CCND3: variants seen among roughly 807,000 people sequenced by gnomAD.
CCND3 encodes cyclin D3.
Under a neutral mutation model 28.7 loss-of-function variants are expected in CCND3, and 9 were observed. That is an observed-to-expected ratio of 0.31 (90% CI 0.19 to 0.55). The LOEUF is 0.55. Among genes scored for constraint, CCND3 ranks in the 20% least tolerant of loss-of-function variants. The pLI is 0.93. For missense variants in CCND3, 315 were observed against 385.8 expected, an observed-to-expected ratio of 0.82 and a Z score of 1.54; for synonymous variants, 164 against 163.9, an observed-to-expected ratio of 1.00 and a Z score of 0.00.
Position 42,048,096 on chromosome 6 carries a change from A to G in CCND3, c.-46+405T>C, listed in dbSNP as rs1764599485. 6.1e-6 allele frequency: 1 copy of G among 162,774 alleles called. No individual in the cohort carries two copies. Among genetic ancestry groups the G allele is most frequent in the Non-Finnish European group, 1.3e-5 (1 of 74,872 alleles). 10.1% of individuals were successfully genotyped at this position (162,774 alleles called of 1,614,324 possible). On this transcript the variant is annotated intron_variant, in intron 1 of 4. Coordinates refer to the CCND3 transcript ENST00000372988. This position sits in a 1 kb window ranked among gnomAD's most constrained non-coding sequence, Gnocchi z 4.7. ...ATCATCATCTATGTATCAATCAGAC[A>G]CCACTGAGGGGTCCCTCCCTCCAGT...
chr6:41,941,385 C>G lies in CCND3; in HGVS notation c.198+67G>C, dbSNP rs1776009543. On this transcript the variant is annotated intron_variant, in intron 1 of 4. Coordinates refer to ENST00000372991, the MANE Select transcript of CCND3 (RefSeq NM_001760.5). This position sits in a 1 kb window ranked among gnomAD's most constrained non-coding sequence, Gnocchi z 6.1. ...GATTGCTGTGGGGACCGGGATGTCC[C>G]GACAGGGCGGCCCCGGTGTGTCCAG... The G allele has an allele frequency of 1.3e-6, 2 of 1,572,922 alleles. No homozygotes were observed. The highest frequency in any genetic ancestry group is 2.3e-5 in the South Asian group (2 of 86,944).
chr6:42,044,328 G>T (rs1764463652), intron 1 of CCND3, among the ~76,000 whole-genome samples: 1 of 152,158 alleles, frequency 6.6e-6, no homozygotes, highest in African/African-American at 2.4e-5. Flanking sequence ...AGCGCCTGAA[G>T]AACCCGGCAA....
At chr6:42,020,268 C>T (rs7771552) in intron 1 of CCND3, among the ~76,000 whole-genome samples, 1 of 151,796 alleles carries the variant, frequency 6.6e-6, no homozygotes. Context: ...GGCGGCAGAG[C>T]GAGACTCTGT....
intron 1 of CCND3, among the ~76,000 whole-genome samples, chr6:42,036,377 C>CTATATATATATATATATATATA (rs1162806893): frequency 3.4e-5 from 2 of 59,574 alleles, no homozygotes; most frequent in African/African-American, 1.4e-4. Flanking sequence ...TGCATATATA[C>CTATATATATATATATATATATA]TATATATATA....
intron 1 of CCND3, among the ~76,000 whole-genome samples, chr6:42,037,000 G>A (rs1394771427): frequency 2.6e-5 from 4 of 151,846 alleles, no homozygotes; most frequent in African/African-American, 4.8e-5. Context: ...ATGCAGTGGC[G>A]TGATCTCAGC....
intron 1 of CCND3, among the ~76,000 whole-genome samples, chr6:41,990,209 A>G (rs113726820): frequency 1.2e-3 from 181 of 152,212 alleles, no homozygotes; most frequent in African/African-American, 3.9e-3. Context: ...ATAGCTCTAA[A>G]AAAAAAACCT....
intron 1 of CCND3, among the ~76,000 whole-genome samples, chr6:42,011,602 G>A (rs1345460083): frequency 6.6e-6 from 1 of 152,170 alleles, no homozygotes; most frequent in African/African-American, 2.4e-5. Flanking sequence ...CAAAGGGTTA[G>A]TAAATTGCTC....
Position 41,939,955 on chromosome 6 carries a change from C to T in CCND3, c.414+415G>A, listed in dbSNP as rs1775936436. 6.6e-6 allele frequency among the ~76,000 whole-genome samples: 1 copy of T among 152,146 alleles called. No homozygotes were observed. The highest frequency in any genetic ancestry group is 6.5e-5 in the Admixed American group (1 of 15,268). ...GACTCAACCAAGGCAAAACCCCCTC[C>T]CCCACATGAAGCACATTCCACTCCC... On this transcript the variant is annotated intron_variant, in intron 2 of 4. Transcript: ENST00000372991. This position sits in a 1 kb window ranked among gnomAD's most constrained non-coding sequence, Gnocchi z 4.2.
upstream of CCND3, among the ~76,000 whole-genome samples, chr6:41,943,793 A>C (rs1437581401): frequency 6.6e-6 from 1 of 152,226 alleles, no homozygotes; most frequent in Non-Finnish European, 1.5e-5. Context: ...AAAGTGGCTT[A>C]TTAGTAATAA....
At chr6:41,996,533 T>C (rs1489589720) in intron 1 of CCND3, among the ~76,000 whole-genome samples, 1 of 152,128 alleles carries the variant, frequency 6.6e-6, no homozygotes, top group Non-Finnish European at 1.5e-5. Flanking sequence ...TTTCAAAACT[T>C]CCAGTTTGCA....
intron 1 of CCND3, among the ~76,000 whole-genome samples, chr6:41,955,651 CA>C (rs35334493): frequency 0.037 from 4,237 of 113,510 alleles, 60 homozygotes; most frequent in South Asian, 0.05. Flanking sequence ...CCTATCTCTA[CA>C]AAAAAAAAAA....
rs137954315 is a variant in CCND3 at position 41,999,960 on chromosome 6, A to C, written c.-46+48541T>G. ...ATACATCTTTTGCAGTAATTGATAG[A>C]GAGGGCACACAAAATTCGGTAGGGA... On this transcript the variant is annotated intron_variant, in intron 1 of 4. Transcript: ENST00000372988. 7.3e-3 allele frequency among the ~76,000 whole-genome samples: 1,112 copies of C among 152,252 alleles called. 7 individuals are homozygous for C. Among genetic ancestry groups the C allele is most frequent in the Middle Eastern group, 0.027 (8 of 294 alleles).
At chr6:41,996,212 T>C (rs1404930825) in intron 1 of CCND3, among the ~76,000 whole-genome samples, 1 of 150,626 alleles carries the variant, frequency 6.6e-6, no homozygotes, top group Admixed American at 6.7e-5. Flanking sequence ...TGCACTGGCA[T>C]GATCTCGGCT....
At chr6:41,987,995 C>A (rs530115224) in intron 1 of CCND3, among the ~76,000 whole-genome samples, 1 of 151,878 alleles carries the variant, frequency 6.6e-6, no homozygotes, top group Non-Finnish European at 1.5e-5. Flanking sequence ...TTCCCCAAAC[C>A]ATTCTCAGGT....
intron 1 of CCND3, among the ~76,000 whole-genome samples, chr6:41,957,660 A>G (rs931459767): frequency 3.3e-5 from 5 of 152,182 alleles, no homozygotes; most frequent in Admixed American, 1.3e-4. Context: ...GAGGGTAGGC[A>G]CCACATCTTT....
At chr6:41,946,586 G>C, upstream of CCND3, among the ~76,000 whole-genome samples, 1 of 86,074 alleles carries the variant, frequency 1.2e-5, no homozygotes, top group East Asian at 3.8e-4. Flanking sequence ...GGGCAACAGA[G>C]ACCTGTCTCA....
At chr6:42,001,867 A>C (rs1040735813) in intron 1 of CCND3, among the ~76,000 whole-genome samples, 3 of 152,036 alleles carry the variant, frequency 2.0e-5, no homozygotes, top group African/African-American at 7.2e-5. Context: ...ATAATCCCAG[A>C]ACTTTGGGAG....
At chr6:42,008,729 T>C (rs1199432510) in intron 1 of CCND3, among the ~76,000 whole-genome samples, 1 of 152,068 alleles carries the variant, frequency 6.6e-6, no homozygotes, top group Admixed American at 6.6e-5. Flanking sequence ...TCGGTTATGG[T>C]TTTTTGGTTG....
At chr6:42,045,005 C>T (rs1359941033) in intron 1 of CCND3, among the ~76,000 whole-genome samples, 1 of 145,970 alleles carries the variant, frequency 6.9e-6, no homozygotes, top group East Asian at 2.0e-4. Context: ...GAGGTTTCAC[C>T]ATGTTGGTCA....
Sources: gnomAD v4.1 joint callset for allele counts (sites outside exome capture counted in the v4.1 genomes callset) on GRCh38, gnomAD v4.1.1 for gene constraint, Gnocchi (gnomAD v3.1) non-coding constraint, MANE v1.5 for transcripts, NCBI Gene and HGNC (gene_info 2026-07-23, HGNC 2026-07-21) for gene names.